Variants in CHD5 observed in about 807,000 individuals in gnomAD.
CHD5 encodes the protein ATP-dependent chromatin remodeler CHD5.
A neutral mutation model predicts 230.3 loss-of-function variants in CHD5; 69 were observed. That is an observed-to-expected ratio of 0.30 (90% CI 0.25 to 0.37). The LOEUF is 0.37. Among genes scored for constraint, CHD5 ranks in the 10% least tolerant of loss-of-function variants. CHD5 has a pLI of 1.00. For missense variants in CHD5, 1,827 were observed against 2,622.8 expected, an observed-to-expected ratio of 0.70 and a Z score of 6.63; for synonymous variants, 1,064 against 1,065.9, an observed-to-expected ratio of 1.00 and a Z score of 0.03.
Position 6,140,765 on chromosome 1 carries a change from T to C in CHD5, c.2436+1363A>G, listed in dbSNP as rs1666814283. 3.3e-5 allele frequency among the ~76,000 whole-genome samples: 5 copies of C among 152,182 alleles called. No individual in the cohort carries two copies. The South Asian group carries it at 1.0e-3, about 32-fold the overall frequency. ...CTATAATCCCCATGCTTTGGGAGGCTGAGGCAGGAGGATCACTTGAGCCCA... is the reference window on the plus strand; with the variant it reads ...CTATAATCCCCATGCTTTGGGAGGCCGAGGCAGGAGGATCACTTGAGCCCA... On this transcript the variant is annotated intron_variant, in intron 15 of 41. Coordinates refer to ENST00000262450, the MANE Select transcript of CHD5 (RefSeq NM_015557.3).
Position 6,131,100 on chromosome 1 carries a change from C to T in CHD5, c.3262+531G>A, listed in dbSNP as rs150776075. Among the ~76,000 whole-genome samples the T allele has an allele frequency of 1.9e-3, 297 of 152,322 alleles. 1 individual carries two copies. Among genetic ancestry groups the T allele is most frequent in the African/African-American group, 6.9e-3 (288 of 41,576 alleles). ...CAAACTTGCTACTGAAGCTTACAGCCGACTGCTTCCCACTCCAGAAGTTTC... is the reference window on the plus strand; with the variant it reads ...CAAACTTGCTACTGAAGCTTACAGCTGACTGCTTCCCACTCCAGAAGTTTC... On this transcript the variant is annotated intron_variant, in intron 21 of 41. Transcript: ENST00000262450. The surrounding 1 kb of genome is among the most constrained non-coding windows in gnomAD (Gnocchi z 5.0).
Position 6,131,728 on chromosome 1 carries a change from G to A in CHD5, c.3165C>T (p.Leu1055=). 2.5e-6 allele frequency: 4 copies of A among 1,612,966 alleles called. No individual in the cohort carries two copies. The highest frequency in any genetic ancestry group is 4.5e-5 in the East Asian group (2 of 44,870). ...CTTCGTACTCCAGGAAGTCCTCCAG[G>A]AGGTCCAGCATCTTGGTCATCTGCA... ...IFSQMTKMLD[L]LEDFLEYEGY... is the part of the protein sequence containing the mutation. The change falls in exon 21 of 42, where the codon CTC becomes CTT. Residue 1055 remains leucine, a synonymous_variant. Coordinates refer to ENST00000262450, the MANE Select transcript of CHD5 (RefSeq NM_015557.3). This position sits in a 1 kb window ranked among gnomAD's most constrained non-coding sequence, Gnocchi z 5.0.
At position 6,126,547 on chromosome 1, in the gene CHD5, C is replaced by T. The variant is rs757486395; in HGVS notation, c.4078+25G>A. On this transcript the variant is annotated intron_variant, in intron 26 of 41. Coordinates refer to ENST00000262450, the MANE Select transcript of CHD5 (RefSeq NM_015557.3). The surrounding 1 kb of genome is among the most constrained non-coding windows in gnomAD (Gnocchi z 5.7). ...ACCCTCCGCCTCTGGGTGAGGGGCA[C>T]CAGTCCCTCCCTCCCGGCACGCACC... 3.7e-6 allele frequency: 6 copies of T among 1,610,456 alleles called. No individual in the cohort carries two copies. Among genetic ancestry groups the T allele is most frequent in the South Asian group, 1.1e-5 (1 of 90,966 alleles).
Position 6,146,458 on chromosome 1 carries a change from GATGGGCC to G in CHD5, c.1591-42_1591-36del. 1 of 1,591,512 alleles carries G rather than the reference GATGGGCC, an allele frequency of 6.3e-7. No homozygotes were observed. The highest frequency in any genetic ancestry group is 8.6e-7 in the Non-Finnish European group (1 of 1,163,044). On this transcript the variant is annotated intron_variant, in intron 10 of 41. Coordinates refer to ENST00000262450, the MANE Select transcript of CHD5 (RefSeq NM_015557.3). The surrounding 1 kb of genome is among the most constrained non-coding windows in gnomAD (Gnocchi z 5.1). ...GAGCGGCACAAAGTCACAGAAGGGA[GATGGGCC>G]ATGGTCCCCTGCATCTCCCTACCCA...
In CHD5 at chr1:6,180,161, C is replaced by CA. The variant is rs1667492865; in HGVS notation, c.-139_-138insT. On this transcript the variant is annotated 5_prime_UTR_variant, in exon 1 of 42. Transcript: ENST00000262450. ...GAGAAGATGGCGGCCGCCTGCCCCCCCACCCCCCCAAACCTCCACCCCCCC... is the reference window on the plus strand; with the variant it reads ...GAGAAGATGGCGGCCGCCTGCCCCCCACACCCCCCCAAACCTCCACCCCCCC... 5.4e-6 allele frequency: 1 copy of CA among 184,294 alleles called. No individual in the cohort carries two copies. 11.4% of individuals were successfully genotyped at this position (184,294 alleles called of 1,614,324 possible). A position where few individuals can be genotyped will look rare whatever the true frequency, so the allele number is the denominator to read the frequency against.
intron 33 of CHD5, among the ~76,000 whole-genome samples, chr1:6,115,204 T>C (rs1181835807): frequency 6.6e-6 from 1 of 150,478 alleles, no homozygotes; most frequent in Non-Finnish European, 1.5e-5. Flanking sequence ...CGGGTGCCTG[T>C]AGTCCCAGCT....
In CHD5 at chr1:6,140,398, CA is replaced by C. The variant is rs200858938; in HGVS notation, c.2436+1729del. 1.0e-3 allele frequency among the ~76,000 whole-genome samples: 132 copies of C among 132,106 alleles called. No individual in the cohort carries two copies. In the Middle Eastern group the frequency reaches 0.012, roughly 12 times the overall value. 86.7% of individuals were successfully genotyped at this position (132,106 alleles called of 152,430 possible). On this transcript the variant is annotated intron_variant, in intron 15 of 41. Transcript: ENST00000262450. ...CTGGCGACAGAGTGAGACTCCATCTCAAAAAAAAAAAAGAAAAGAAAAAGAA... is the reference window on the plus strand; with the variant it reads ...CTGGCGACAGAGTGAGACTCCATCTCAAAAAAAAAAAGAAAAGAAAAAGAA...
At chr1:6,148,723 G>A (rs1666949588) in intron 9 of CHD5, 131 bp downstream of exon 9, 3 of 642,552 alleles carry the variant, frequency 4.7e-6, no homozygotes, top group Non-Finnish European at 7.3e-6. Flanking sequence ...AGCTTTGCGG[G>A]ATCGGCTACC....
In CHD5 at chr1:6,154,906, G is replaced by A; in HGVS notation, c.507-8C>T. ...TTCTTGGCAATGAGTGGCCTGTAGG[G>A]GGAGAGGCAGGAGGGTGAGGGCAAG... On this transcript the variant is annotated splice_region_variant and splice_polypyrimidine_tract_variant and intron_variant, in intron 4 of 41. Transcript: ENST00000262450. The surrounding 1 kb of genome is among the most constrained non-coding windows in gnomAD (Gnocchi z 7.0). 6.2e-7 allele frequency: 1 copy of A among 1,611,582 alleles called. No individual in the cohort carries two copies. Among genetic ancestry groups the A allele is most frequent in the Non-Finnish European group, 8.5e-7 (1 of 1,178,628 alleles).
chr1:6,143,776 C>T (rs1438545867), intron 13 of CHD5, 47 bp downstream of exon 13: 1 of 1,524,516 alleles, frequency 6.6e-7, no homozygotes, highest in South Asian at 1.1e-5. Context: ...CTGAGGTGGG[C>T]AGGCCCTGGC....
At position 6,128,323 on chromosome 1, in the gene CHD5, G is replaced by A. The variant is rs1211731622; in HGVS notation, c.3731-105C>T. 4.8e-6 allele frequency: 6 copies of A among 1,257,942 alleles called. No individual in the cohort carries two copies. The highest frequency in any genetic ancestry group is 5.6e-6 in the Non-Finnish European group (5 of 891,524). The allele number at this position is 1,257,942 out of a possible 1,614,324, so 77.9% of individuals were successfully genotyped here. On this transcript the variant is annotated intron_variant, in intron 24 of 41. Coordinates refer to ENST00000262450, the MANE Select transcript of CHD5 (RefSeq NM_015557.3). This position sits in a 1 kb window ranked among gnomAD's most constrained non-coding sequence, Gnocchi z 7.8. ...ATGGCCCTTCCCATCCCCAGCAGGG[G>A]CTGCAGCTGAGAGGCATGGTGACCA...
intron 2 of CHD5, 144 bp downstream of exon 2, chr1:6,168,006 T>C: frequency 8.1e-6 from 8 of 989,184 alleles, no homozygotes; most frequent in Non-Finnish European, 1.0e-5. Context: ...TACGAGAAAC[T>C]GGTTATGGTG....
At chr1:6,163,929 T>A (rs1312344756) in intron 2 of CHD5, among the ~76,000 whole-genome samples, 1 of 152,176 alleles carries the variant, frequency 6.6e-6, no homozygotes, top group Non-Finnish European at 1.5e-5. Context: ...AGCAGAAGAA[T>A]CTTAGTGGAT....
Position 6,142,069 on chromosome 1 carries a change from G to T in CHD5, c.2436+59C>A. On this transcript the variant is annotated intron_variant, in intron 15 of 41. Transcript: ENST00000262450. The surrounding 1 kb of genome is among the most constrained non-coding windows in gnomAD (Gnocchi z 5.2). Reference sequence around the variant, plus strand: ...CCCCAAAGGAGTGCACGGCACCCGTGGTCCCTGAACTAGACCGGGGGCCTT... The same window carrying T: ...CCCCAAAGGAGTGCACGGCACCCGTTGTCCCTGAACTAGACCGGGGGCCTT... 1.3e-6 allele frequency: 2 copies of T among 1,482,332 alleles called. No individual in the cohort carries two copies. Among genetic ancestry groups the T allele is most frequent in the Non-Finnish European group, 9.4e-7 (1 of 1,063,158 alleles). The allele number at this position is 1,482,332 out of a possible 1,614,324, so 91.8% of individuals were successfully genotyped here. A position where few individuals can be genotyped will look rare whatever the true frequency, so the allele number is the denominator to read the frequency against.
chr1:6,161,432 C>T (rs538253211), intron 2 of CHD5, among the ~76,000 whole-genome samples: 2 of 152,236 alleles, frequency 1.3e-5, no homozygotes, highest in Non-Finnish European at 2.9e-5. Context: ...CCCGCTCCCT[C>T]TCCCCTGCCC....
At chr1:6,111,218 A>T (rs1666282024) in intron 36 of CHD5, among the ~76,000 whole-genome samples, 1 of 143,352 alleles carries the variant, frequency 7.0e-6, no homozygotes, top group African/African-American at 2.6e-5. Flanking sequence ...CCACAGAGCG[A>T]GACTCCATCT....
At chr1:6,164,797 C>G (rs1667227543) in intron 2 of CHD5, among the ~76,000 whole-genome samples, 1 of 152,200 alleles carries the variant, frequency 6.6e-6, no homozygotes, top group Non-Finnish European at 1.5e-5. Flanking sequence ...TCCATCCCAG[C>G]CCCCTTCCCC....
At chr1:6,168,115 G>A (rs199847206) in intron 2 of CHD5, 35 bp downstream of exon 2, 77 of 1,573,126 alleles carry the variant, frequency 4.9e-5, no homozygotes, top group Admixed American at 3.6e-4. Context: ...AACCCCACCC[G>A]CCCCAAGCTC....
At position 6,161,095 on chromosome 1, in the gene CHD5, T is replaced by A. The variant is rs142753224; in HGVS notation, c.208-1580A>T. ...AAAAAATGAGCTCAGGAAACAGCAGTGGCCAGGAGGGAGGATGAAGGAAAG... is the reference window on the plus strand; with the variant it reads ...AAAAAATGAGCTCAGGAAACAGCAGAGGCCAGGAGGGAGGATGAAGGAAAG... On this transcript the variant is annotated intron_variant, in intron 2 of 41. Coordinates refer to ENST00000262450, the MANE Select transcript of CHD5 (RefSeq NM_015557.3). Among the ~76,000 whole-genome samples the A allele has an allele frequency of 4.7e-3, 700 of 149,886 alleles. 6 individuals are homozygous for A. Among genetic ancestry groups the A allele is most frequent in the African/African-American group, 0.015 (598 of 40,602 alleles).
Sources: gnomAD v4.1 joint callset for allele counts (sites outside exome capture counted in the v4.1 genomes callset) on GRCh38, gnomAD v4.1.1 for gene constraint, Gnocchi (gnomAD v3.1) non-coding constraint, MANE v1.5 for transcripts, NCBI Gene and HGNC (gene_info 2026-07-23, HGNC 2026-07-21) for gene names.